Variants in ZC3H13 observed in about 807,000 individuals in gnomAD.
The protein encoded by ZC3H13 is zinc finger CCCH-type containing 13, also known as zinc finger CCCH domain-containing protein 13.
Under a neutral mutation model 204.1 loss-of-function variants are expected in ZC3H13, and 64 were observed. The ratio of observed to expected loss-of-function variants is 0.31; its 90% CI spans 0.26 to 0.39. ZC3H13 has a LOEUF of 0.39. ZC3H13 is among the 10% of genes least tolerant of loss of function. The probability of loss-of-function intolerance (pLI) is 1.00; values close to 1 mark genes in which losing one functional copy is unlikely to be tolerated. For missense variants in ZC3H13, 1,833 were observed against 2,082.7 expected (o/e 0.88, Z 2.33); for synonymous variants, 667 against 693.7 (o/e 0.96, Z 0.60).
chr13:46,011,347 C>A (rs774562063), intron 6 of ZC3H13, 68 bp downstream of exon 6: 2 of 1,417,336 alleles, frequency 1.4e-6, no homozygotes, highest in Non-Finnish European at 1.9e-6. Context: ...TAGCAAGAAG[C>A]TGAGTTATCT....
chr13:45,996,767 A>G (rs1425425612), intron 8 of ZC3H13, among the ~76,000 whole-genome samples: 1 of 151,916 alleles, frequency 6.6e-6, no homozygotes, highest in Non-Finnish European at 1.5e-5. Context: ...AAAAAAAGCC[A>G]TAAAGTACTT....
At chr13:46,045,347 A>G in intron 2 of ZC3H13, 44 bp downstream of exon 2, 1 of 1,476,112 alleles carries the variant, frequency 6.8e-7, no homozygotes, top group Non-Finnish European at 9.4e-7. Flanking sequence ...TTTCAATAAT[A>G]GAATTCTAAG....
intron 7 of ZC3H13, 43 bp from the exon 8 acceptor site, chr13:46,003,379 A>C: frequency 6.4e-7 from 1 of 1,553,158 alleles, no homozygotes; most frequent in Non-Finnish European, 8.7e-7. Flanking sequence ...CAAATATGCC[A>C]AAAGGATATT....
chr13:45,957,391 A>G (rs1951337459), intron 18 of ZC3H13, 94 bp from the exon 19 acceptor site: 1 of 1,128,138 alleles, frequency 8.9e-7, no homozygotes, highest in Admixed American at 3.8e-5. Flanking sequence ...TATCAAAGTT[A>G]TAAGAGTATT....
chr13:46,039,009 G>A (rs2139102476), intron 4 of ZC3H13, among the ~76,000 whole-genome samples: 1 of 152,218 alleles, frequency 6.6e-6, no homozygotes, highest in African/African-American at 2.4e-5. Context: ...GAGACAGGGT[G>A]AGACTCTGTC....
In ZC3H13 at chr13:46,029,060, G is replaced by C. The variant is rs2042715568; in HGVS notation, c.340-8503C>G. Among the ~76,000 whole-genome samples, 4 of 152,092 alleles carry C rather than the reference G, an allele frequency of 2.6e-5. No homozygotes were observed. The South Asian group carries it at 8.3e-4, about 32-fold the overall frequency. ...ATAAAATTTATCAGCTTCTAGCCAG[G>C]CTAATTAAGAAAAAAAGAGAGAAGA... On this transcript the variant is annotated intron_variant, in intron 4 of 18. Coordinates refer to ENST00000679008, the MANE Select transcript of ZC3H13 (RefSeq NM_001330564.2).
chr13:46,017,754 A>G (rs1566295371), intron 5 of ZC3H13, among the ~76,000 whole-genome samples: 1 of 152,142 alleles, frequency 6.6e-6, no homozygotes, highest in African/African-American at 2.4e-5. Flanking sequence ...TATTCCAGAT[A>G]GAATAACAAT....
chr13:45,983,716 C>T (rs1180089792), intron 10 of ZC3H13, among the ~76,000 whole-genome samples: 4 of 151,586 alleles, frequency 2.6e-5, no homozygotes, highest in Admixed American at 1.3e-4. Flanking sequence ...CGTGAGCCAC[C>T]GCGCCCGGCC....
rs780201744 is a variant in ZC3H13, at chr13:45,975,620, G to A, written c.2131C>T (p.Arg711Cys). ...REKERELERE[R>C]AREREREREK... Reference sequence around the variant, plus strand: ...CTTTCTCTCTCCCGTTCCCTAGCACGCTCTCTTTCTAGTTCTCTCTCTTTT... The same window carrying A: ...CTTTCTCTCTCCCGTTCCCTAGCACACTCTCTTTCTAGTTCTCTCTCTTTT... Residue 711 changes from arginine (R) to cysteine (C), a missense_variant, in exon 12 of 19, where the codon CGT becomes TGT. This residue lies in a region of ZC3H13 where 1,574 missense variants were observed against 1,757.2 expected (regional missense o/e 0.90). Coordinates refer to ENST00000679008, the MANE Select transcript of ZC3H13 (RefSeq NM_001330564.2). 1.4e-5 allele frequency: 22 copies of A among 1,573,766 alleles called. No individual in the cohort carries two copies. The highest frequency in any genetic ancestry group is 1.2e-4 in the East Asian group (5 of 42,130).
rs778100703 is a variant in ZC3H13 at position 45,969,034 on chromosome 13, C to G, written c.3510G>C (p.Thr1170=). Residue 1170 remains threonine, a synonymous_variant, in exon 14 of 19, where the codon ACG becomes ACC. Coordinates refer to ENST00000679008, the MANE Select transcript of ZC3H13 (RefSeq NM_001330564.2). ...CHRTRVEKVE[T]PHVTIEDAQH... ...GTGCATCTTCTATAGTCACGTGAGG[C>G]GTCTCTACTTTTTCTACTCGTGTTC... 6.2e-7 allele frequency: 1 copy of G among 1,614,184 alleles called. No individual in the cohort carries two copies. The highest frequency in any genetic ancestry group is 1.1e-5 in the South Asian group (1 of 91,084).
At chr13:45,987,230 C>T (rs976873599) in intron 9 of ZC3H13, among the ~76,000 whole-genome samples, 5 of 152,130 alleles carry the variant, frequency 3.3e-5, no homozygotes, top group East Asian at 3.9e-4. Flanking sequence ...CTAAATCTCC[C>T]GTATGGAAAG....
chr13:46,009,953 G>C lies in ZC3H13; in HGVS notation c.746+395C>G, dbSNP rs549477828. 7.2e-5 allele frequency among the ~76,000 whole-genome samples: 11 copies of C among 152,180 alleles called. No homozygotes were observed. In the East Asian group the frequency reaches 1.5e-3, roughly 21 times the overall value. On this transcript the variant is annotated intron_variant, in intron 7 of 18. Transcript: ENST00000679008. ...TATCAATATAAACATAAAAAATGTTGAGTGAAAAAGCAATGTGCAGAAGGT... is the reference window on the plus strand; with the variant it reads ...TATCAATATAAACATAAAAAATGTTCAGTGAAAAAGCAATGTGCAGAAGGT...
rs781468199 is a variant in ZC3H13, at chr13:45,988,970, A to G, written c.1072T>C (p.Ser358Pro). The G allele has an allele frequency of 1.2e-6, 2 of 1,613,862 alleles. No individual in the cohort carries two copies. Among genetic ancestry groups the G allele is most frequent in the South Asian group, 2.2e-5 (2 of 91,044 alleles). The change falls in exon 9 of 19, where the codon TCT becomes CCT. Residue 358 changes from serine to proline, a missense_variant. Transcript: ENST00000679008. ...SPRRKRTPSP[S>P]YQRTLTPPLR... ...GGTGGAGTTAGTGTCCGCTGATAAGATGGTGAAGGAGTTCTTTTTCGACGA... is the reference window on the plus strand; with the variant it reads ...GGTGGAGTTAGTGTCCGCTGATAAGGTGGTGAAGGAGTTCTTTTTCGACGA...
intron 5 of ZC3H13, among the ~76,000 whole-genome samples, chr13:46,014,581 G>A (rs1312288013): frequency 2.6e-5 from 4 of 152,092 alleles, no homozygotes; most frequent in Non-Finnish European, 5.9e-5. Context: ...TTAACCTCAA[G>A]CTGTCTGAGA....
intron 15 of ZC3H13, among the ~76,000 whole-genome samples, chr13:45,966,968 T>C (rs546779395): frequency 6.6e-6 from 1 of 152,288 alleles, no homozygotes; most frequent in South Asian, 2.1e-4. Context: ...AGGTTTCACA[T>C]AGCTGAGGCT....
In ZC3H13 at chr13:46,045,762, G is replaced by T. The variant is rs529009694; in HGVS notation, c.-9-246C>A. ...TGTTGGCTAGAATTGTACCTCTTCT[G>T]CAGAGTGAACGAATATGATCCTACT... is the stretch of plus-strand genomic sequence containing the variant. On this transcript the variant is annotated intron_variant, in intron 1 of 18. Transcript: ENST00000679008. Among the ~76,000 whole-genome samples, 8 of 152,226 alleles carry T rather than the reference G, an allele frequency of 5.3e-5. No homozygotes were observed. The East Asian group carries it at 1.3e-3, about 26-fold the overall frequency.
chr13:46,004,535 A>T (rs1479963653), intron 7 of ZC3H13, among the ~76,000 whole-genome samples: 2 of 152,102 alleles, frequency 1.3e-5, no homozygotes, highest in Admixed American at 6.6e-5. Context: ...GTAAGACTCT[A>T]ACTCAAAATA....
At chr13:46,011,333 G>T in intron 6 of ZC3H13, 82 bp downstream of exon 6, 1 of 1,290,256 alleles carries the variant, frequency 7.8e-7, no homozygotes, top group Non-Finnish European at 1.1e-6. Flanking sequence ...TATAATTTAA[G>T]ATGTAGCAAG....
rs778630698 is a variant in ZC3H13 at position 46,011,508 on chromosome 13, T to C, written c.495A>G (p.Ser165=). Residue 165 remains serine, a synonymous_variant, in exon 6 of 19, where the codon TCA becomes TCG. Transcript: ENST00000679008. The part of the protein sequence containing the change: ...DINYDYVHEL[S]LEMKRQKIQR... ...GTATCTTCTGACGCTTCATTTCCAA[T>C]GACAATTCATGAACATAATCATAAT... 28 of 1,600,382 alleles carry C rather than the reference T, an allele frequency of 1.7e-5. No homozygotes were observed. The South Asian group carries it at 2.1e-4, about 12-fold the overall frequency.
Sources: gnomAD v4.1 joint callset for allele counts (sites outside exome capture counted in the v4.1 genomes callset) on GRCh38, gnomAD v4.1.1 for gene constraint, gnomAD v4.1.1 regional missense constraint, MANE v1.5 for transcripts, NCBI Gene and HGNC (gene_info 2026-07-23, HGNC 2026-07-21) for gene names.